OAS3: variants seen among roughly 807,000 people sequenced by gnomAD.
The protein encoded by OAS3 is 2'-5'-oligoadenylate synthase 3.
Under a neutral mutation model 113.0 loss-of-function variants are expected in OAS3, and 107 were observed. The observed-to-expected ratio is 0.95, with a 90% CI of 0.81 to 1.11. The LOEUF (loss-of-function observed/expected upper bound fraction) is 1.11. OAS3 is among the 50% of genes most tolerant of loss of function. OAS3 has a pLI of 0.00. For synonymous variants in OAS3, 552 were observed against 573.6 expected (o/e 0.96, Z 0.54); for missense variants, 1,258 against 1,389.1 (o/e 0.91, Z 1.50).
chr12:112,939,306 C>CTTTTTTTTTTTTTTTTTTT (rs58792765), intron 1 of OAS3, among the ~76,000 whole-genome samples: 2 of 68,252 alleles, frequency 2.9e-5, no homozygotes, highest in African/African-American at 1.1e-4. Context: ...TGAGTCACAT[C>CTTTTTTTTTTTTTTTTTTT]TTTTTTTTTT....
chr12:112,942,087 G>T, intron 2 of OAS3: 1 of 609,640 alleles, frequency 1.6e-6, no homozygotes, highest in Non-Finnish European at 2.9e-6. Flanking sequence ...CCCTCCCACA[G>T]GCATCTGGGA....
At chr12:112,968,342 C>G (rs1019623634) in intron 14 of OAS3, among the ~76,000 whole-genome samples, 168 bp downstream of exon 14, 2 of 152,104 alleles carry the variant, frequency 1.3e-5, no homozygotes, top group East Asian at 3.8e-4. Flanking sequence ...TTCTGGTCAC[C>G]CAGGAATAGG....
At position 112,965,731 on chromosome 12, in the gene OAS3, A is replaced by G; in HGVS notation, c.2404-13A>G. The G allele has an allele frequency of 6.2e-7, 1 of 1,602,022 alleles. No homozygotes were observed. The highest frequency in any genetic ancestry group is 1.1e-5 in the South Asian group (1 of 90,204). On this transcript the variant is annotated splice_polypyrimidine_tract_variant and intron_variant, in intron 11 of 15. Transcript: ENST00000228928. ...TGCTTCAAGGGTTGAGCCACCTGCCATGTCCTCTCCAGGGTGGCTCTTCAG... is the reference window on the plus strand; with the variant it reads ...TGCTTCAAGGGTTGAGCCACCTGCCGTGTCCTCTCCAGGGTGGCTCTTCAG...
Position 112,971,169 on chromosome 12 carries a change from G to T in OAS3, c.*1196G>T, listed in dbSNP as rs1198477710. On this transcript the variant is annotated 3_prime_UTR_variant, in exon 16 of 16. Transcript: ENST00000228928. ...ACTGGAAAGGCTGGAGGAGCAGAAG[G>T]CAGAGGCCACCACTGGACTATTGGT... is the stretch of plus-strand genomic sequence containing the variant. 1 of 152,384 alleles carries T rather than the reference G, an allele frequency of 6.6e-6. No individual in the cohort carries two copies. Among genetic ancestry groups the T allele is most frequent in the African/African-American group, 2.4e-5 (1 of 41,450 alleles). The allele number at this position is 152,384 out of a possible 1,614,324, so 9.4% of individuals were successfully genotyped here. A position where few individuals can be genotyped will look rare whatever the true frequency, so the allele number is the denominator to read the frequency against.
At chr12:112,957,946 C>T (rs1205062296) in intron 7 of OAS3, among the ~76,000 whole-genome samples, 1 of 152,186 alleles carries the variant, frequency 6.6e-6, no homozygotes, top group Non-Finnish European at 1.5e-5. Context: ...AACTTGGTTC[C>T]ATTCTCCCTG....
intron 2 of OAS3, 32 bp from the exon 3 acceptor site, chr12:112,944,444 C>T: frequency 6.2e-7 from 1 of 1,613,184 alleles, no homozygotes; most frequent in East Asian, 2.2e-5. Context: ...TCCTCAGTGC[C>T]CTCCCTAACT....
chr12:112,946,812 G>A lies in OAS3; in HGVS notation c.706G>A (p.Ala236Thr), dbSNP rs376430790. The change falls in exon 4 of 16, where the codon GCC becomes ACC. Residue 236 changes from alanine to threonine, a missense_variant. Transcript: ENST00000228928. ...TGCCCTGGAATTGCTGACCATCTTCGCCTGGGAGCAGGGCTGTAAGAAGGA... is the reference window on the plus strand; with the variant it reads ...TGCCCTGGAATTGCTGACCATCTTCACCTGGGAGCAGGGCTGTAAGAAGGA... Reference protein sequence around the residue: ...VYALELLTIFAWEQGCKKDAF... With the variant: ...VYALELLTIFTWEQGCKKDAF... The A allele has an allele frequency of 1.7e-5, 27 of 1,613,574 alleles. No individual in the cohort carries two copies. Among genetic ancestry groups the A allele is most frequent in the South Asian group, 5.5e-5 (5 of 90,964 alleles).
At chr12:112,966,217 G>A (rs1216131728) in intron 12 of OAS3, among the ~76,000 whole-genome samples, 188 bp downstream of exon 12, 1 of 152,112 alleles carries the variant, frequency 6.6e-6, no homozygotes, top group Admixed American at 6.5e-5. Flanking sequence ...TTTCTAATTT[G>A]CGCAGGCACT....
chr12:112,941,682 T>C lies in OAS3; in HGVS notation c.290T>C (p.Ile97Thr), dbSNP rs542852368. 1.2e-5 allele frequency: 19 copies of C among 1,613,892 alleles called. No homozygotes were observed. The highest frequency in any genetic ancestry group is 1.6e-4 in the Middle Eastern group (1 of 6,084). The change falls in exon 2 of 16, where the codon ATC becomes ACC. Residue 97 changes from isoleucine to threonine, a missense_variant. Physicochemically the swap from Ile to Thr is moderately conservative, Grantham distance 89. Coordinates refer to ENST00000228928, the MANE Select transcript of OAS3 (RefSeq NM_006187.4). ...GACCAGAGGGCCCGCCGTGCAGAGATCCTCAGTGAGATGCGGGCATCGCTG... is the reference window on the plus strand; with the variant it reads ...GACCAGAGGGCCCGCCGTGCAGAGACCCTCAGTGAGATGCGGGCATCGCTG... ...YVDQRARRAE[I>T]LSEMRASLES...
chr12:112,962,928 GCTTC>G, intron 9 of OAS3, 26 bp downstream of exon 9: 1 of 1,610,090 alleles, frequency 6.2e-7, no homozygotes, highest in East Asian at 2.2e-5. Context: ...CCTTTGCCTG[GCTTC>G]ATTATCCTCC....
intron 7 of OAS3, among the ~76,000 whole-genome samples, chr12:112,956,759 A>G (rs930298073): frequency 1.7e-4 from 26 of 152,326 alleles, no homozygotes; most frequent in African/African-American, 6.3e-4. Context: ...TCTTCCAACC[A>G]TGTGGTCAAT....
At chr12:112,958,398 T>C (rs1236135486) in intron 7 of OAS3, among the ~76,000 whole-genome samples, 1 of 152,270 alleles carries the variant, frequency 6.6e-6, no homozygotes, top group African/African-American at 2.4e-5. Flanking sequence ...GGAGCTGCGT[T>C]CCTTTGGAGG....
At chr12:112,952,718 A>T (rs1295602213) in intron 7 of OAS3, among the ~76,000 whole-genome samples, 2 of 152,222 alleles carry the variant, frequency 1.3e-5, no homozygotes, top group East Asian at 3.8e-4. Context: ...GACTTTGTCT[A>T]AAACCATTTC....
In OAS3 at chr12:112,947,820, GA is replaced by G. The variant is rs1471928488; in HGVS notation, c.876-125del. The G allele has an allele frequency of 1.8e-4, 144 of 807,696 alleles. 1 individual carries two copies. In the South Asian group the frequency reaches 3.0e-3, roughly 17 times the overall value. The allele number at this position is 807,696 out of a possible 1,614,324, so 50.0% of individuals were successfully genotyped here. Reference sequence around the variant, plus strand: ...TTGCGGATAAGGAAATCGAGGCTCAGAGAGGGTAAATCATTTGCCCCAGGTC... The same window carrying G: ...TTGCGGATAAGGAAATCGAGGCTCAGGAGGGTAAATCATTTGCCCCAGGTC... On this transcript the variant is annotated intron_variant, in intron 4 of 15. Transcript: ENST00000228928.
At chr12:112,953,576 A>G (rs1189730076) in intron 7 of OAS3, among the ~76,000 whole-genome samples, 5 of 152,170 alleles carry the variant, frequency 3.3e-5, no homozygotes, top group Non-Finnish European at 7.3e-5. Context: ...GTCTTCCACA[A>G]TGGCTGAACT....
At position 112,963,677 on chromosome 12, in the gene OAS3, C is replaced by T. The variant is rs140668354; in HGVS notation, c.2229+220C>T. Among the ~76,000 whole-genome samples, 117 of 152,352 alleles carry T rather than the reference C, an allele frequency of 7.7e-4. No homozygotes were observed. The highest frequency in any genetic ancestry group is 2.5e-3 in the African/African-American group (103 of 41,586). ...AGGGTTACAAAAAGCCTAACTCTGT[C>T]TCCAGGCGGAACCGATTCTGTGATG... is the stretch of plus-strand genomic sequence containing the variant. On this transcript the variant is annotated intron_variant, in intron 10 of 15. Coordinates refer to ENST00000228928, the MANE Select transcript of OAS3 (RefSeq NM_006187.4). The surrounding 1 kb of genome is among the most constrained non-coding windows in gnomAD (Gnocchi z 4.6).
In OAS3 at chr12:112,963,218, T is replaced by A; in HGVS notation, c.2085-95T>A. 1.5e-6 allele frequency: 2 copies of A among 1,376,800 alleles called. No homozygotes were observed. The highest frequency in any genetic ancestry group is 1.9e-6 in the Non-Finnish European group (2 of 1,034,890). The allele number at this position is 1,376,800 out of a possible 1,614,324, so 85.3% of individuals were successfully genotyped here. A position where few individuals can be genotyped will look rare whatever the true frequency, so the allele number is the denominator to read the frequency against. ...TGAGCCAACCCTGAGGTCCTGACAC[T>A]CTTTCCAGCCCTCACGCCCCTTTTC... On this transcript the variant is annotated intron_variant, in intron 9 of 15. Coordinates refer to ENST00000228928, the MANE Select transcript of OAS3 (RefSeq NM_006187.4). This position sits in a 1 kb window ranked among gnomAD's most constrained non-coding sequence, Gnocchi z 4.6.
intron 12 of OAS3, among the ~76,000 whole-genome samples, chr12:112,967,205 A>G (rs1206642320): frequency 1.3e-5 from 2 of 152,164 alleles, no homozygotes; most frequent in Non-Finnish European, 2.9e-5. Context: ...TTTGAAAGGG[A>G]GCAGAAAAGG....
intron 6 of OAS3, among the ~76,000 whole-genome samples, chr12:112,949,934 G>A (rs1455568963): frequency 3.3e-5 from 5 of 152,190 alleles, no homozygotes; most frequent in African/African-American, 7.2e-5. Context: ...CAGGAAAATC[G>A]CTTGAACCCG....
Sources: gnomAD v4.1 joint callset for allele counts (sites outside exome capture counted in the v4.1 genomes callset) on GRCh38, gnomAD v4.1.1 for gene constraint, Gnocchi (gnomAD v3.1) non-coding constraint, MANE v1.5 for transcripts, NCBI Gene and HGNC (gene_info 2026-07-23, HGNC 2026-07-21) for gene names.